Variants in LRRC4C observed in about 807,000 individuals in gnomAD.
LRRC4C encodes the protein leucine-rich repeat-containing protein 4C.
A neutral mutation model predicts 33.6 loss-of-function variants in LRRC4C; 5 were observed. That is an observed-to-expected ratio of 0.15 (90% CI 0.08 to 0.31). The LOEUF is 0.31. Ranked by LOEUF, LRRC4C falls within the 10% of genes least tolerant of loss-of-function variation. The probability of loss-of-function intolerance (pLI) is 1.00; values close to 1 mark genes in which losing one functional copy is unlikely to be tolerated. For missense variants in LRRC4C, 560 were observed against 796.7 expected (o/e 0.70, Z 3.58); for synonymous variants, 329 against 302.0 (o/e 1.09, Z -0.93).
chr11:41,289,397 A>G (rs1949928941), intron 1 of LRRC4C, among the ~76,000 whole-genome samples: 1 of 152,152 alleles, frequency 6.6e-6, no homozygotes, highest in African/African-American at 2.4e-5. Context: ...ATCCTCTAAA[A>G]ATTTGTATGT....
At chr11:40,590,065 C>T (rs1958965719) in intron 3 of LRRC4C, among the ~76,000 whole-genome samples, 1 of 151,520 alleles carries the variant, frequency 6.6e-6, no homozygotes, top group Non-Finnish European at 1.5e-5. Flanking sequence ...TAATATCCTG[C>T]AGAGTGTTTT....
At chr11:40,287,923 C>T (rs1943952225) in intron 4 of LRRC4C, among the ~76,000 whole-genome samples, 1 of 152,170 alleles carries the variant, frequency 6.6e-6, no homozygotes, top group Non-Finnish European at 1.5e-5. Context: ...TTTCTTCTTT[C>T]TTAGTCTATG....
At chr11:40,386,711 G>T (rs1000701090) in intron 3 of LRRC4C, among the ~76,000 whole-genome samples, 21 of 151,976 alleles carry the variant, frequency 1.4e-4, no homozygotes, top group African/African-American at 5.1e-4. Flanking sequence ...TATCAGATGT[G>T]CCAAAGTCTC....
intron 3 of LRRC4C, among the ~76,000 whole-genome samples, chr11:40,460,367 G>T: frequency 6.6e-6 from 1 of 151,768 alleles, no homozygotes; most frequent in South Asian, 2.1e-4. Context: ...TACAGACAAT[G>T]AAAAAAATAG....
chr11:40,712,455 G>A (rs1946514411), intron 2 of LRRC4C, among the ~76,000 whole-genome samples: 2 of 152,062 alleles, frequency 1.3e-5, no homozygotes, highest in Admixed American at 1.3e-4. Flanking sequence ...TAAGTAATAT[G>A]GTTTGACTGT....
chr11:40,377,926 TA>T (rs1282598333), intron 3 of LRRC4C, among the ~76,000 whole-genome samples: 1 of 151,998 alleles, frequency 6.6e-6, no homozygotes. Flanking sequence ...AGATAGATTA[TA>T]AAAAGAAGGA....
chr11:40,830,037 G>A, intron 2 of LRRC4C, among the ~76,000 whole-genome samples: 1 of 152,096 alleles, frequency 6.6e-6, no homozygotes, highest in East Asian at 1.9e-4. Context: ...GGGATGAATA[G>A]GTGTTTCTCA....
intron 3 of LRRC4C, among the ~76,000 whole-genome samples, chr11:40,482,984 T>C (rs1232849893): frequency 6.6e-6 from 1 of 152,170 alleles, no homozygotes; most frequent in African/African-American, 2.4e-5. Context: ...GGATGCATAT[T>C]GCAATCTCAA....
chr11:40,882,886 C>T (rs944947051), intron 2 of LRRC4C, among the ~76,000 whole-genome samples: 3 of 152,028 alleles, frequency 2.0e-5, no homozygotes, highest in African/African-American at 7.2e-5. Context: ...GTCTAATGCA[C>T]ATAAACTTCT....
chr11:40,772,284 T>G (rs1286543317), intron 2 of LRRC4C, among the ~76,000 whole-genome samples: 1 of 152,142 alleles, frequency 6.6e-6, no homozygotes, highest in Non-Finnish European at 1.5e-5. Flanking sequence ...TCAGATCATG[T>G]GAGAACTCAC....
intron 2 of LRRC4C, among the ~76,000 whole-genome samples, chr11:40,860,755 C>G (rs12362124): frequency 8.3e-6 from 1 of 120,726 alleles, no homozygotes; most frequent in Non-Finnish European, 1.6e-5. Context: ...AGGTCATATT[C>G]TGATGTTCCA....
At chr11:40,930,370 T>C (rs1469178632) in intron 2 of LRRC4C, among the ~76,000 whole-genome samples, 4 of 152,188 alleles carry the variant, frequency 2.6e-5, no homozygotes, top group Non-Finnish European at 4.4e-5. Context: ...CTCTAGCCTT[T>C]ACAGGTCAAC....
chr11:40,759,632 C>T (rs961822667), intron 2 of LRRC4C, among the ~76,000 whole-genome samples: 1 of 151,890 alleles, frequency 6.6e-6, no homozygotes, highest in Non-Finnish European at 1.5e-5. Flanking sequence ...GCCTATTACA[C>T]CAGTAATGAA....
chr11:40,481,294 C>T (rs17484505), intron 3 of LRRC4C, among the ~76,000 whole-genome samples: 15,094 of 152,002 alleles, frequency 0.099, 874 homozygotes, highest in East Asian at 0.13. Flanking sequence ...TGGCATTCAA[C>T]AATATGCTTC....
At chr11:41,371,646 T>C (rs1270839835) in intron 1 of LRRC4C, among the ~76,000 whole-genome samples, 3 of 152,244 alleles carry the variant, frequency 2.0e-5, no homozygotes, top group Admixed American at 6.5e-5. Flanking sequence ...CTAAACCTCT[T>C]GAAAGACAGT....
intron 3 of LRRC4C, among the ~76,000 whole-genome samples, chr11:40,601,756 A>T (rs1960016787): frequency 6.6e-6 from 1 of 152,142 alleles, no homozygotes; most frequent in Non-Finnish European, 1.5e-5. Context: ...ATTCATGCTG[A>T]TATTTTTCAT....
chr11:40,793,956 C>G (rs1296238915), intron 2 of LRRC4C, among the ~76,000 whole-genome samples: 2 of 152,132 alleles, frequency 1.3e-5, no homozygotes, highest in Non-Finnish European at 2.9e-5. Context: ...AGGCTGCCTT[C>G]TTTCTCTATT....
At chr11:40,657,668 A>T (rs943306871) in intron 2 of LRRC4C, among the ~76,000 whole-genome samples, 1 of 152,202 alleles carries the variant, frequency 6.6e-6, no homozygotes, top group African/African-American at 2.4e-5. Context: ...TTTCCAGACC[A>T]AGCCAATGTA....
chr11:41,015,502 C>T (rs1283552879), intron 1 of LRRC4C, among the ~76,000 whole-genome samples: 1 of 151,892 alleles, frequency 6.6e-6, no homozygotes, highest in Non-Finnish European at 1.5e-5. Flanking sequence ...TTAGGAGACA[C>T]AGGGTTTCAC....
Sources: gnomAD v4.1 joint callset for allele counts (sites outside exome capture counted in the v4.1 genomes callset) on GRCh38, gnomAD v4.1.1 for gene constraint, MANE v1.5 for transcripts, NCBI Gene and HGNC (gene_info 2026-07-23, HGNC 2026-07-21) for gene names.